The following LGR5 variants were observed in gnomAD, a reference collection of about 807,000 sequenced individuals.
LGR5 encodes leucine-rich repeat-containing G protein-coupled receptor 5.
In LGR5, 54 loss-of-function variants were observed where a neutral mutation model predicts 76.7. That is an observed-to-expected ratio of 0.70 (90% CI 0.57 to 0.88). The LOEUF (loss-of-function observed/expected upper bound fraction) is 0.88. Among genes scored for constraint, LGR5 ranks in the 40% least tolerant of loss-of-function variants. LGR5 has a pLI of 0.00. For missense variants in LGR5, 1,078 were observed against 1,073.3 expected, an observed-to-expected ratio of 1.00 and a Z score of -0.06; for synonymous variants, 406 against 421.9, an observed-to-expected ratio of 0.96 and a Z score of 0.46.
upstream of LGR5, among the ~76,000 whole-genome samples, chr12:71,439,532 G>T (rs183584129): frequency 3.8e-4 from 57 of 148,724 alleles, 1 homozygote; most frequent in East Asian, 9.7e-3. Context: ...GGGTAAGGGT[G>T]GGGGGGTCCC....
At chr12:71,535,084 A>T (rs749458116) in intron 3 of LGR5, 31 bp from the exon 4 acceptor site, 12 of 1,511,828 alleles carry the variant, frequency 7.9e-6, no homozygotes, top group Non-Finnish European at 9.1e-6. Flanking sequence ...CATTTTTTTT[A>T]ACATTTTTCT....
intron 2 of LGR5, among the ~76,000 whole-genome samples, chr12:71,518,367 C>T (rs1400053063): frequency 6.6e-6 from 1 of 152,020 alleles, no homozygotes; most frequent in Non-Finnish European, 1.5e-5. Flanking sequence ...CTGGCAAGAT[C>T]GTGGAGAAAA....
intron 1 of LGR5, among the ~76,000 whole-genome samples, chr12:71,483,701 C>A (rs548464177): frequency 6.6e-6 from 1 of 152,174 alleles, no homozygotes; most frequent in East Asian, 1.9e-4. Flanking sequence ...CTACATGCCT[C>A]TGTTTCTTTA....
At chr12:71,452,268 A>G (rs1400737699) in intron 1 of LGR5, among the ~76,000 whole-genome samples, 6 of 152,110 alleles carry the variant, frequency 3.9e-5, no homozygotes, top group African/African-American at 1.2e-4. Context: ...TGGCCTCATC[A>G]CACCTGAATA....
Position 71,582,436 on chromosome 12 carries a change from C to T in LGR5, c.1553-20C>T, listed in dbSNP as rs1315205314. 1 of 1,608,396 alleles carries T rather than the reference C, an allele frequency of 6.2e-7. No homozygotes were observed. The highest frequency in any genetic ancestry group is 1.7e-5 in the Admixed American group (1 of 60,004). ...AAAAGAGAGTCAGAACTAATCATTC[C>T]AGGACTTCTTGTGCTGCAGATGAAC... On this transcript the variant is annotated intron_variant, in intron 16 of 17. Transcript: ENST00000266674.
chr12:71,545,556 T>C (rs1280833), intron 4 of LGR5, among the ~76,000 whole-genome samples: 128,800 of 152,142 alleles, frequency 0.85, 55,261 homozygotes, highest in East Asian at 0.97. Flanking sequence ...CCCTATAAAC[T>C]GTATTATGCA....
At chr12:71,557,981 C>T (rs924197703) in intron 6 of LGR5, among the ~76,000 whole-genome samples, 1 of 150,094 alleles carries the variant, frequency 6.7e-6, no homozygotes, top group African/African-American at 2.4e-5. Context: ...AGCTTCTAAC[C>T]AGATCTGGGT....
chr12:71,580,695 G>A (rs1234295873), intron 16 of LGR5, among the ~76,000 whole-genome samples: 1 of 152,124 alleles, frequency 6.6e-6, no homozygotes, highest in Non-Finnish European at 1.5e-5. Flanking sequence ...GTACTTGGGA[G>A]GCTGAGGTAT....
At chr12:71,468,339 C>G (rs1000764574) in intron 1 of LGR5, among the ~76,000 whole-genome samples, 1 of 152,092 alleles carries the variant, frequency 6.6e-6, no homozygotes, top group African/African-American at 2.4e-5. Context: ...TAAAGAATGT[C>G]TCTACCCAAA....
chr12:71,557,369 A>G (rs1877823847), intron 6 of LGR5, among the ~76,000 whole-genome samples: 1 of 152,202 alleles, frequency 6.6e-6, no homozygotes, highest in South Asian at 2.1e-4. Context: ...AGCATTTGGC[A>G]TACATTGTTT....
At chr12:71,535,721 A>G (rs996023997) in intron 4 of LGR5, among the ~76,000 whole-genome samples, 4 of 152,156 alleles carry the variant, frequency 2.6e-5, no homozygotes, top group African/African-American at 9.7e-5. Flanking sequence ...CACAGAACAC[A>G]GATGTGCAGA....
chr12:71,561,991 A>G (rs929321317), intron 8 of LGR5, 139 bp downstream of exon 8: 10 of 454,070 alleles, frequency 2.2e-5, no homozygotes, highest in Admixed American at 2.1e-4. Context: ...GTATATACAC[A>G]TGCATTTTGC....
intron 1 of LGR5, among the ~76,000 whole-genome samples, chr12:71,471,425 A>T (rs1449027121): frequency 6.6e-6 from 1 of 152,172 alleles, no homozygotes; most frequent in Non-Finnish European, 1.5e-5. Flanking sequence ...AGAACTAGAG[A>T]CAGAAGGCAG....
chr12:71,566,377 A>G, intron 8 of LGR5, 27 bp from the exon 9 acceptor site: 1 of 1,422,574 alleles, frequency 7.0e-7, no homozygotes, highest in Non-Finnish European at 9.9e-7. Context: ...ATACTAAGAT[A>G]TTAATTGCTG....
intron 5 of LGR5, among the ~76,000 whole-genome samples, chr12:71,554,102 T>C (rs960768366): frequency 6.6e-6 from 1 of 152,098 alleles, no homozygotes; most frequent in Non-Finnish European, 1.5e-5. Context: ...AAAAAATAGT[T>C]TAGCACACAT....
rs576669040 is a variant in LGR5, at chr12:71,559,480, C to T, written c.717-106C>T. 50 of 622,330 alleles carry T rather than the reference C, an allele frequency of 8.0e-5. No individual in the cohort carries two copies. The East Asian group carries it at 1.4e-3, about 17-fold the overall frequency. 38.6% of individuals were successfully genotyped at this position (622,330 alleles called of 1,614,324 possible). ...CATAAAGAAAAGCAGTGAGAACTTC[C>T]ATTAGTCATATGGGTTCCTTGGAAT... On this transcript the variant is annotated intron_variant, in intron 6 of 17. Coordinates refer to ENST00000266674, the MANE Select transcript of LGR5 (RefSeq NM_003667.4).
chr12:71,566,816 T>C (rs1878370192), intron 10 of LGR5, 25 bp from the exon 11 acceptor site: 1 of 1,606,616 alleles, frequency 6.2e-7, no homozygotes, highest in South Asian at 1.1e-5. Flanking sequence ...AATGAAAGAA[T>C]TATGTCTGGT....
intron 16 of LGR5, among the ~76,000 whole-genome samples, chr12:71,580,680 C>A (rs1879052888): frequency 6.6e-6 from 1 of 152,062 alleles, no homozygotes; most frequent in African/African-American, 2.4e-5. Context: ...TGCCAGTAAT[C>A]CCAGGTACTT....
intron 4 of LGR5, 21 bp downstream of exon 4, chr12:71,535,207 A>G: frequency 2.7e-6 from 4 of 1,488,258 alleles, no homozygotes; most frequent in Admixed American, 1.7e-5. Context: ...TAGACATTGC[A>G]AAATATATTT....
Sources: allele counts gnomAD v4.1 joint callset (sites outside exome capture counted in the v4.1 genomes callset), GRCh38; gene constraint gnomAD v4.1.1; transcripts MANE v1.5; gene names NCBI Gene and HGNC (gene_info 2026-07-23, HGNC 2026-07-21).